HTRA3: variants seen among roughly 807,000 people sequenced by gnomAD.
The protein encoded by HTRA3 is serine protease HTRA3.
A neutral mutation model predicts 43.2 loss-of-function variants in HTRA3; 41 were observed. The ratio of observed to expected loss-of-function variants is 0.95; its 90% CI spans 0.74 to 1.23. The LOEUF (loss-of-function observed/expected upper bound fraction) is 1.23. HTRA3 is among the 50% of genes most tolerant of loss of function. The pLI, the probability that HTRA3 is intolerant of heterozygous loss-of-function variation, is 0.00. For missense variants in HTRA3, 628 were observed against 647.1 expected, an observed-to-expected ratio of 0.97 and a Z score of 0.32; for synonymous variants, 295 against 287.9, an observed-to-expected ratio of 1.02 and a Z score of -0.25.
chr4:8,269,870 A>C lies in HTRA3; in HGVS notation c.-99A>C. On this transcript the variant is annotated 5_prime_UTR_variant, in exon 1 of 9. Coordinates refer to ENST00000307358, the MANE Select transcript of HTRA3 (RefSeq NM_053044.5). ...GTGACCGCGCGTCCGCCCCAGTCCC[A>C]TCCGTAGGCGCCCGGCGCCCGGCCC... 1 of 510,958 alleles carries C rather than the reference A, an allele frequency of 2.0e-6. No individual in the cohort carries two copies. The highest frequency in any genetic ancestry group is 2.5e-6 in the Non-Finnish European group (1 of 394,236). The allele number at this position is 510,958 out of a possible 1,614,324, so 31.7% of individuals were successfully genotyped here.
chr4:8,276,669 C>T (rs1471946747), intron 1 of HTRA3, among the ~76,000 whole-genome samples: 1 of 152,260 alleles, frequency 6.6e-6, no homozygotes, highest in Non-Finnish European at 1.5e-5. Context: ...GCAGCACCTC[C>T]TCCTCCTCCC....
At chr4:8,277,807 G>T (rs1712587671) in intron 1 of HTRA3, among the ~76,000 whole-genome samples, 1 of 152,206 alleles carries the variant, frequency 6.6e-6, no homozygotes, top group Non-Finnish European at 1.5e-5. Flanking sequence ...GGCACAGCCT[G>T]GGACCCATGG....
At position 8,279,188 on chromosome 4, in the gene HTRA3, C is replaced by T. The variant is rs1712645360; in HGVS notation, c.386-3249C>T. ...AACAGGCCACCTCCCAGCCCAGCCCCACGGCCCTTCTGTCTCAGGCCTTGC... is the reference window on the plus strand; with the variant it reads ...AACAGGCCACCTCCCAGCCCAGCCCTACGGCCCTTCTGTCTCAGGCCTTGC... On this transcript the variant is annotated intron_variant, in intron 1 of 8. Transcript: ENST00000307358. The surrounding 1 kb of genome is among the most constrained non-coding windows in gnomAD (Gnocchi z 7.4). Among the ~76,000 whole-genome samples, 1 of 152,172 alleles carries T rather than the reference C, an allele frequency of 6.6e-6. No homozygotes were observed. The highest frequency in any genetic ancestry group is 1.5e-5 in the Non-Finnish European group (1 of 68,042).
Position 8,295,116 on chromosome 4 carries a change from C to A in HTRA3, c.1051+915C>A, listed in dbSNP as rs1713410320. ...CCTTCTCTCCTTCCTTCCACCCATC[C>A]ACCCACCCACTCATTCACCTGTCTA... On this transcript the variant is annotated intron_variant, in intron 6 of 8. Coordinates refer to ENST00000307358, the MANE Select transcript of HTRA3 (RefSeq NM_053044.5). This position sits in a 1 kb window ranked among gnomAD's most constrained non-coding sequence, Gnocchi z 6.9. 6.6e-6 allele frequency among the ~76,000 whole-genome samples: 1 copy of A among 151,846 alleles called. No homozygotes were observed. The highest frequency in any genetic ancestry group is 2.1e-4 in the South Asian group (1 of 4,794).
At position 8,286,891 on chromosome 4, in the gene HTRA3, G is replaced by A; in HGVS notation, c.708+108G>A. On this transcript the variant is annotated intron_variant, in intron 3 of 8. Coordinates refer to ENST00000307358, the MANE Select transcript of HTRA3 (RefSeq NM_053044.5). The surrounding 1 kb of genome is among the most constrained non-coding windows in gnomAD (Gnocchi z 4.9). ...GCTAGCCCCACCTTCCATCAGCCAG[G>A]GGGAGGAAACTGGGCCCAGGGAGGA... 1.2e-6 allele frequency: 1 copy of A among 821,264 alleles called. No individual in the cohort carries two copies. Among genetic ancestry groups the A allele is most frequent in the Non-Finnish European group, 1.9e-6 (1 of 513,548 alleles). 50.9% of individuals were successfully genotyped at this position (821,264 alleles called of 1,614,324 possible).
At chr4:8,300,750 T>C (rs1321024597) in intron 6 of HTRA3, among the ~76,000 whole-genome samples, 1 of 152,146 alleles carries the variant, frequency 6.6e-6, no homozygotes, top group Admixed American at 6.5e-5. Context: ...TCTTCATTGA[T>C]TCACACTCAT....
chr4:8,304,042 G>A (rs1713750821), intron 7 of HTRA3, 142 bp from the exon 8 acceptor site: 1 of 609,694 alleles, frequency 1.6e-6, no homozygotes, highest in East Asian at 2.8e-5. Flanking sequence ...GACACAGAGT[G>A]GCCAGTGGTG....
intron 1 of HTRA3, among the ~76,000 whole-genome samples, chr4:8,270,640 C>G (rs1367044560): frequency 6.6e-6 from 1 of 152,218 alleles, no homozygotes; most frequent in Non-Finnish European, 1.5e-5. Flanking sequence ...CTCTTCAGAA[C>G]TGATGTCTCG....
chr4:8,286,527 C>G lies in HTRA3; in HGVS notation c.486-34C>G. The stretch of plus-strand genomic sequence containing the variant: ...CTGACTCCCCCGCGTCCTAGCCCCA[C>G]CCTAAATGCCCGCCTGTGTCTCCCT... On this transcript the variant is annotated intron_variant, in intron 2 of 8. Transcript: ENST00000307358. This position sits in a 1 kb window ranked among gnomAD's most constrained non-coding sequence, Gnocchi z 4.9. 1 of 1,598,298 alleles carries G rather than the reference C, an allele frequency of 6.3e-7. No individual in the cohort carries two copies. The highest frequency in any genetic ancestry group is 8.6e-7 in the Non-Finnish European group (1 of 1,167,512).
intron 3 of HTRA3, among the ~76,000 whole-genome samples, chr4:8,288,587 T>G (rs1713091785): frequency 6.6e-6 from 1 of 150,640 alleles, no homozygotes; most frequent in Non-Finnish European, 1.5e-5. Context: ...TTTTTTTTTT[T>G]TTTGAGACGG....
intron 2 of HTRA3, among the ~76,000 whole-genome samples, chr4:8,284,556 C>T (rs550801111): frequency 2.0e-5 from 3 of 152,342 alleles, no homozygotes; most frequent in Admixed American, 6.5e-5. Flanking sequence ...AGTGGGCAGC[C>T]GCGGGCATTT....
intron 1 of HTRA3, among the ~76,000 whole-genome samples, chr4:8,281,821 C>T (rs1712758667): frequency 6.6e-6 from 1 of 152,222 alleles, no homozygotes; most frequent in Admixed American, 6.5e-5. Flanking sequence ...GCAAGTCGGG[C>T]TGGGGTGTGG....
In HTRA3 at chr4:8,279,337, A is replaced by G. The variant is rs1428494516; in HGVS notation, c.386-3100A>G. On this transcript the variant is annotated intron_variant, in intron 1 of 8. Coordinates refer to ENST00000307358, the MANE Select transcript of HTRA3 (RefSeq NM_053044.5). The surrounding 1 kb of genome is among the most constrained non-coding windows in gnomAD (Gnocchi z 7.4). ...TTCCTGCAAGGCTTTTACTTAACGA[A>G]TATTTCACAGAGGGTTTTAAAACAA... Among the ~76,000 whole-genome samples the G allele has an allele frequency of 6.6e-6, 1 of 152,234 alleles. No individual in the cohort carries two copies. Among genetic ancestry groups the G allele is most frequent in the Non-Finnish European group, 1.5e-5 (1 of 68,034 alleles).
intron 3 of HTRA3, among the ~76,000 whole-genome samples, chr4:8,290,619 G>A (rs547494758): frequency 2.0e-4 from 30 of 152,100 alleles, no homozygotes; most frequent in Admixed American, 1.4e-3. Flanking sequence ...CCAATTTATC[G>A]TGTGTGTGTG....
chr4:8,306,045 A>T lies in HTRA3; in HGVS notation c.1271A>T (p.Glu424Val). The T allele has an allele frequency of 6.2e-7, 1 of 1,612,576 alleles. No individual in the cohort carries two copies. The highest frequency in any genetic ancestry group is 2.2e-5 in the East Asian group (1 of 44,800). ...RPLVDSSELQ[E>V]AVLTESPLLL... The stretch of plus-strand genomic sequence containing the variant: ...CTAGTGGACTCGAGTGAGCTGCAGG[A>T]GGCCGTGCTGACCGAGTCTCCTCTC... Residue 424 changes from glutamate to valine, a missense_variant, in exon 9 of 9, where the codon GAG becomes GTG. Transcript: ENST00000307358. The surrounding 1 kb of genome is among the most constrained non-coding windows in gnomAD (Gnocchi z 8.9).
At chr4:8,273,536 C>T (rs1712386553) in intron 1 of HTRA3, among the ~76,000 whole-genome samples, 1 of 151,736 alleles carries the variant, frequency 6.6e-6, no homozygotes, top group Non-Finnish European at 1.5e-5. Flanking sequence ...CCCCGCACCC[C>T]CGCCCCAGTA....
intron 1 of HTRA3, among the ~76,000 whole-genome samples, chr4:8,276,367 A>C (rs1172354783): frequency 2.6e-5 from 4 of 152,234 alleles, no homozygotes; most frequent in Admixed American, 2.6e-4. Context: ...GGCTCATAGA[A>C]GTTGATGTGA....
chr4:8,294,634 A>G (rs866603898), intron 6 of HTRA3, among the ~76,000 whole-genome samples: 75 of 474 alleles, frequency 0.16, 2 homozygotes, highest in Middle Eastern at 0.5. Context: ...CCATCCATCC[A>G]TCCATCCATC....
intron 1 of HTRA3, among the ~76,000 whole-genome samples, chr4:8,274,281 T>G (rs1174631950): frequency 6.6e-6 from 1 of 152,200 alleles, no homozygotes; most frequent in Non-Finnish European, 1.5e-5. Flanking sequence ...CGTGGTGGGT[T>G]CCTCATCCTG....
Sources: gnomAD v4.1 joint callset for allele counts (sites outside exome capture counted in the v4.1 genomes callset) on GRCh38, gnomAD v4.1.1 for gene constraint, Gnocchi (gnomAD v3.1) non-coding constraint, MANE v1.5 for transcripts, NCBI Gene and HGNC (gene_info 2026-07-23, HGNC 2026-07-21) for gene names.